XPR1: variants seen among roughly 807,000 people sequenced by gnomAD.
The protein encoded by XPR1 is solute carrier family 53 member 1.
A neutral mutation model predicts 87.5 loss-of-function variants in XPR1; 28 were observed. The observed-to-expected ratio is 0.32, with a 90% CI of 0.24 to 0.44. The LOEUF (loss-of-function observed/expected upper bound fraction) is 0.44. Ranked by LOEUF, XPR1 falls within the 20% of genes least tolerant of loss-of-function variation. The probability of loss-of-function intolerance (pLI) is 1.00; values close to 1 mark genes in which losing one functional copy is unlikely to be tolerated. For synonymous variants in XPR1, 300 were observed against 306.1 expected (o/e 0.98, Z 0.21); for missense variants, 559 against 862.3 (o/e 0.65, Z 4.41).
intron 2 of XPR1, among the ~76,000 whole-genome samples, chr1:180,769,150 T>TA (rs1329979513): frequency 6.6e-6 from 1 of 152,084 alleles, no homozygotes; most frequent in East Asian, 1.9e-4. Context: ...TGTATATAGT[T>TA]ATAGGGTACA....
In XPR1 at chr1:180,669,447, A is replaced by G. The variant is rs1481148114; in HGVS notation, c.70-12913A>G. ...TCCCAGGCTGGAGTGCAGTGGCGCA[A>G]TCTTGGCTCACTGCAACCTCCGCCT... On this transcript the variant is annotated intron_variant, in intron 1 of 14. Transcript: ENST00000367590. 3.3e-5 allele frequency among the ~76,000 whole-genome samples: 5 copies of G among 152,076 alleles called. No homozygotes were observed. In the South Asian group the frequency reaches 6.2e-4, roughly 19 times the overall value.
At chr1:180,800,339 AG>A (rs1649733742) in intron 3 of XPR1, among the ~76,000 whole-genome samples, 1 of 152,252 alleles carries the variant, frequency 6.6e-6, no homozygotes, top group Admixed American at 6.5e-5. Context: ...AAAGTATGAG[AG>A]GGACTTGAAA....
intron 2 of XPR1, among the ~76,000 whole-genome samples, chr1:180,689,414 A>G (rs548913297): frequency 1.2e-4 from 18 of 152,322 alleles, no homozygotes; most frequent in African/African-American, 4.3e-4. Flanking sequence ...GAAAAATACT[A>G]GACTATTTAA....
At chr1:180,762,900 A>G (rs895725214) in intron 2 of XPR1, among the ~76,000 whole-genome samples, 1 of 152,204 alleles carries the variant, frequency 6.6e-6, no homozygotes, top group Non-Finnish European at 1.5e-5. Context: ...CTTTTTTTAA[A>G]GAATGAATTT....
chr1:180,763,024 G>A (rs1015856180), intron 2 of XPR1, among the ~76,000 whole-genome samples: 1 of 152,184 alleles, frequency 6.6e-6, no homozygotes, highest in Non-Finnish European at 1.5e-5. Context: ...AAGCTGGACT[G>A]TATGACAACC....
intron 1 of XPR1, among the ~76,000 whole-genome samples, chr1:180,680,340 A>G (rs1017828718): frequency 1.3e-5 from 2 of 151,242 alleles, no homozygotes; most frequent in Non-Finnish European, 1.5e-5. Context: ...GATTCCTCAA[A>G]TAACTACAAA....
At chr1:180,728,528 C>T (rs1187721776) in intron 2 of XPR1, among the ~76,000 whole-genome samples, 1 of 152,116 alleles carries the variant, frequency 6.6e-6, no homozygotes, top group African/African-American at 2.4e-5. Context: ...GCGCATATTC[C>T]GATTAACTAA....
intron 2 of XPR1, among the ~76,000 whole-genome samples, chr1:180,751,487 A>G (rs1376567222): frequency 1.3e-5 from 2 of 152,084 alleles, no homozygotes; most frequent in Admixed American, 1.3e-4. Flanking sequence ...AGAAAATTGA[A>G]GTCTCTTTCA....
At chr1:180,708,162 C>T (rs1209387964) in intron 2 of XPR1, among the ~76,000 whole-genome samples, 1 of 152,180 alleles carries the variant, frequency 6.6e-6, no homozygotes, top group African/African-American at 2.4e-5. Flanking sequence ...AATTGAACAT[C>T]TATTACAAAT....
At chr1:180,850,721 G>A (rs934094481) in intron 11 of XPR1, among the ~76,000 whole-genome samples, 13 of 152,252 alleles carry the variant, frequency 8.5e-5, no homozygotes, top group African/African-American at 2.4e-4. Context: ...ATTTTGGGAT[G>A]CCAAGTTGGG....
chr1:180,836,743 T>C (rs1446582168), intron 11 of XPR1, 27 bp downstream of exon 11: 2 of 1,608,404 alleles, frequency 1.2e-6, no homozygotes, highest in African/African-American at 1.3e-5. Context: ...TCTGAAGAGA[T>C]TTTTTTAAAC....
chr1:180,747,824 A>G (rs1367480766), intron 2 of XPR1, among the ~76,000 whole-genome samples: 2 of 152,218 alleles, frequency 1.3e-5, no homozygotes, highest in Admixed American at 6.5e-5. Flanking sequence ...ATTCCCATGA[A>G]GCATGCCTCT....
At chr1:180,746,586 T>C (rs73034894) in intron 2 of XPR1, among the ~76,000 whole-genome samples, 1 of 151,396 alleles carries the variant, frequency 6.6e-6, no homozygotes, top group Admixed American at 6.6e-5. Context: ...TGTATAGGGG[T>C]TTTTTTTTGA....
intron 1 of XPR1, among the ~76,000 whole-genome samples, chr1:180,675,351 A>G (rs1250556606): frequency 6.6e-6 from 1 of 152,182 alleles, no homozygotes; most frequent in Non-Finnish European, 1.5e-5. Context: ...TTGCTCAGTA[A>G]AGCAGCACTT....
At chr1:180,804,898 A>G (rs1220446515) in intron 4 of XPR1, among the ~76,000 whole-genome samples, 1 of 152,218 alleles carries the variant, frequency 6.6e-6, no homozygotes, top group African/African-American at 2.4e-5. Flanking sequence ...TGGTATAGCA[A>G]CATTACCATT....
chr1:180,685,155 G>T (rs574902283), intron 2 of XPR1, among the ~76,000 whole-genome samples: 1 of 152,090 alleles, frequency 6.6e-6, no homozygotes, highest in East Asian at 1.9e-4. Flanking sequence ...TTTGAGATAC[G>T]TCCCATCAAT....
At chr1:180,804,605 A>G (rs895688613) in intron 4 of XPR1, among the ~76,000 whole-genome samples, 3 of 152,170 alleles carry the variant, frequency 2.0e-5, no homozygotes, top group Non-Finnish European at 2.9e-5. Context: ...TAACAAAAGT[A>G]TTACCTGGAA....
intron 11 of XPR1, among the ~76,000 whole-genome samples, chr1:180,837,555 GT>G (rs1394868003): frequency 6.6e-6 from 1 of 151,978 alleles, no homozygotes; most frequent in African/African-American, 2.4e-5. Flanking sequence ...GTGTCTAACG[GT>G]CATAAAAGAT....
chr1:180,771,248 C>T (rs1220127730), intron 2 of XPR1, among the ~76,000 whole-genome samples: 1 of 151,964 alleles, frequency 6.6e-6, no homozygotes, highest in Admixed American at 6.6e-5. Context: ...AGTGGTATTA[C>T]AATTAAGTCA....
Sources: gnomAD v4.1 joint callset for allele counts (sites outside exome capture counted in the v4.1 genomes callset) on GRCh38, gnomAD v4.1.1 for gene constraint, MANE v1.5 for transcripts, NCBI Gene and HGNC (gene_info 2026-07-23, HGNC 2026-07-21) for gene names.